The following CAPN6 variants were observed in gnomAD, a reference collection of about 807,000 sequenced individuals.
The protein encoded by CAPN6 is calpain-6.
A neutral mutation model predicts 46.0 loss-of-function variants in CAPN6; 16 were observed. The ratio of observed to expected loss-of-function variants is 0.35; its 90% CI spans 0.24 to 0.53. The LOEUF (loss-of-function observed/expected upper bound fraction) is 0.53, where lower values mean the gene tolerates loss of function less well. Among genes scored for constraint, CAPN6 ranks in the 20% least tolerant of loss-of-function variants. The pLI is 0.94. For synonymous variants in CAPN6, 206 were observed against 172.8 expected (o/e 1.19, Z -1.51); for missense variants, 461 against 498.0 (o/e 0.93, Z 0.71).
intron 2 of CAPN6, among the ~76,000 whole-genome samples, chrX:111,257,603 A>C (rs2094984872): frequency 8.9e-6 from 1 of 112,162 alleles, no homozygotes; most frequent in Non-Finnish European, 1.9e-5. Context: ...ATTTGAAAAC[A>C]ACAAAATGAC....
chrX:111,263,115 T>G (rs763824510), intron 2 of CAPN6, among the ~76,000 whole-genome samples: 17 of 112,471 alleles, frequency 1.5e-4, no homozygotes, highest in Non-Finnish European at 2.8e-4. Context: ...TTACCATATT[T>G]ACTCAAATGA....
chrX:111,261,542 TCAC>T (rs1049751948), intron 2 of CAPN6, among the ~76,000 whole-genome samples: 4 of 112,557 alleles, frequency 3.6e-5, no homozygotes, highest in African/African-American at 1.3e-4. Flanking sequence ...TGATTTTCTC[TCAC>T]TTTAGAAGGG....
At chrX:111,258,733 G>A (rs17884023) in intron 2 of CAPN6, among the ~76,000 whole-genome samples, 1,182 of 111,768 alleles carry the variant, frequency 0.011, 21 homozygotes, top group African/African-American at 0.037. Context: ...TCCAAACTGG[G>A]CCACCAAATC....
chrX:111,249,061 A>C lies in CAPN6; in HGVS notation c.1159-4T>G. The C allele has an allele frequency of 1.7e-6, 2 of 1,210,546 alleles. No individual in the cohort carries two copies. The highest frequency in any genetic ancestry group is 2.2e-5 in the Admixed American group (1 of 46,002). Reference sequence around the variant, plus strand: ...CCTCAGGCACAGTGAAGATGTACTAAGGGAAAGAGACCACCACAGAGGTGA... The same window carrying C: ...CCTCAGGCACAGTGAAGATGTACTACGGGAAAGAGACCACCACAGAGGTGA... On this transcript the variant is annotated splice_region_variant and splice_polypyrimidine_tract_variant and intron_variant, in intron 8 of 12. Coordinates refer to ENST00000324068, the MANE Select transcript of CAPN6 (RefSeq NM_014289.4).
chrX:111,269,724 G>C (rs1207121334), intron 1 of CAPN6, among the ~76,000 whole-genome samples: 1 of 111,776 alleles, frequency 8.9e-6, no homozygotes, highest in Non-Finnish European at 1.9e-5. Context: ...GGAATCAGAG[G>C]GGAACAAAGC....
In CAPN6 at chrX:111,248,982, G is replaced by A. The variant is rs750201143; in HGVS notation, c.1234C>T (p.Arg412Ter). ...ATGTAATTGTCAGGTCTTCCCATTC[G>A]GCGGTAAGTGCGCAGGTCCTTCTGC... ...LQQKDLRTYRRMGRPDNYIIG... is the reference protein window; with the variant it reads ...LQQKDLRTYR The change falls in exon 9 of 13, where the codon CGA (arginine) becomes TGA (stop). Residue 412 changes from arginine (R) to a stop codon, truncating the protein, a stop_gained. Transcript: ENST00000324068. LOFTEE classifies it high-confidence loss of function. 3.3e-6 allele frequency: 4 copies of A among 1,210,915 alleles called. No homozygotes were observed. The highest frequency in any genetic ancestry group is 3.4e-6 in the Non-Finnish European group (3 of 895,107).
Position 111,251,040 on chromosome X carries a change from G to T in CAPN6, c.1035C>A (p.Asn345Lys). The T allele has an allele frequency of 8.3e-7, 1 of 1,211,574 alleles. No individual in the cohort carries two copies. Among genetic ancestry groups the T allele is most frequent in the Non-Finnish European group, 1.1e-6 (1 of 895,449 alleles). The change falls in exon 8 of 13, where the codon AAC becomes AAA. Residue 345 changes from asparagine to lysine, a missense_variant. Physicochemically the swap from Asn to Lys is moderately conservative, Grantham distance 94. Coordinates refer to ENST00000324068, the MANE Select transcript of CAPN6 (RefSeq NM_014289.4). Reference sequence around the variant, plus strand: ...CCAGCTCCTTTCGGCCAAAAATAGGGTTGTTCACATTGCGGCAGACATTCA... The same window carrying T: ...CCAGCTCCTTTCGGCCAAAAATAGGTTTGTTCACATTGCGGCAGACATTCA... ...HKLNVCRNVN[N>K]PIFGRKELES...
intron 3 of CAPN6, among the ~76,000 whole-genome samples, chrX:111,253,987 G>A (rs2094981759): frequency 1.8e-5 from 2 of 111,724 alleles, no homozygotes; most frequent in South Asian, 3.8e-4. Flanking sequence ...GTCAATGCAC[G>A]GCAAATGATA....
At chrX:111,265,399 G>A (rs777979513) in intron 1 of CAPN6, among the ~76,000 whole-genome samples, 4 of 112,344 alleles carry the variant, frequency 3.6e-5, no homozygotes, top group African/African-American at 1.3e-4. Context: ...TTTTTTCATA[G>A]CCTTATTTAT....
chrX:111,265,796 A>T (rs2094991330), intron 1 of CAPN6, among the ~76,000 whole-genome samples: 1 of 111,755 alleles, frequency 8.9e-6, no homozygotes, highest in Non-Finnish European at 1.9e-5. Context: ...TTCTGGATAA[A>T]TGAGTATTTC....
chrX:111,261,161 AACTC>A (rs1317393462), intron 2 of CAPN6, among the ~76,000 whole-genome samples: 1 of 112,558 alleles, frequency 8.9e-6, no homozygotes, highest in Non-Finnish European at 1.9e-5. Context: ...ACAAACAACT[AACTC>A]TATCTATCTC....
intron 2 of CAPN6, among the ~76,000 whole-genome samples, chrX:111,261,145 G>T (rs973551346): frequency 8.9e-6 from 1 of 112,468 alleles, no homozygotes; most frequent in Non-Finnish European, 1.9e-5. Flanking sequence ...GGTGAAAACA[G>T]GGGACACAAA....
intron 2 of CAPN6, among the ~76,000 whole-genome samples, chrX:111,257,344 G>T (rs2094984671): frequency 8.9e-6 from 1 of 111,815 alleles, no homozygotes; most frequent in Admixed American, 9.5e-5. Context: ...CTTAGCTTTT[G>T]GTTCCAGGAT....
In CAPN6 at chrX:111,253,031, A is replaced by G. The variant is rs1014674191; in HGVS notation, c.483T>C (p.Ala161=). The change falls in exon 4 of 13, where the codon GCT becomes GCC. Residue 161 remains alanine, a synonymous_variant. Coordinates refer to ENST00000324068, the MANE Select transcript of CAPN6 (RefSeq NM_014289.4). ...FSTSMNEFWN[A]LLEKAYAKLL... ...ACTTTGCATAAGCTTTTTCCAGCAG[A>G]GCATTCCAAAACTCATTCATGGAAG... is the stretch of plus-strand genomic sequence containing the variant. The G allele has an allele frequency of 3.3e-6, 4 of 1,210,570 alleles. No homozygotes were observed. The highest frequency in any genetic ancestry group is 4.5e-6 in the Non-Finnish European group (4 of 894,277).
In CAPN6 at chrX:111,245,675, A is replaced by G. The variant is rs1266812537; in HGVS notation, c.*902T>C. 3.6e-5 allele frequency: 4 copies of G among 112,199 alleles called. No individual in the cohort carries two copies. The highest frequency in any genetic ancestry group is 9.7e-5 in the African/African-American group (3 of 30,776). The allele number at this position is 112,199 out of a possible 1,213,427, so 9.2% of individuals were successfully genotyped here. ...AACTGGCTGTAATATGTCTGGATGA[A>G]TTCTCTCATCTTTTAGGTGTGTATG... On this transcript the variant is annotated 3_prime_UTR_variant, in exon 13 of 13. Transcript: ENST00000324068.
chrX:111,265,540 G>A (rs2094991125), intron 1 of CAPN6, among the ~76,000 whole-genome samples: 1 of 111,927 alleles, frequency 8.9e-6, no homozygotes. Flanking sequence ...AGCATGGATG[G>A]TATCAGTAAA....
At chrX:111,252,028 C>T (rs1459533238) in intron 5 of CAPN6, among the ~76,000 whole-genome samples, 2 of 112,214 alleles carry the variant, frequency 1.8e-5, no homozygotes, top group Admixed American at 9.4e-5. Flanking sequence ...GCAGCCATAA[C>T]CTCAAGATCT....
intron 2 of CAPN6, among the ~76,000 whole-genome samples, chrX:111,255,525 G>A (rs773195083): frequency 3.5e-5 from 4 of 112,888 alleles, no homozygotes; most frequent in Non-Finnish European, 7.5e-5. Flanking sequence ...GCCATTGGCC[G>A]GTACCTTGAC....
At position 111,248,697 on chromosome X, in the gene CAPN6, G is replaced by A. The variant is rs961625582; in HGVS notation, c.1356C>T (p.Asp452=). 1 of 1,210,709 alleles carries A rather than the reference G, an allele frequency of 8.3e-7. No homozygotes were observed. The highest frequency in any genetic ancestry group is 1.1e-6 in the Non-Finnish European group (1 of 894,953). Reference sequence around the variant, plus strand: ...ACTTGCTCAGAAACACTGTGCGGGTGTCAATATAGGTGGAAGTCCCAGCAC... The same window carrying A: ...ACTTGCTCAGAAACACTGTGCGGGTATCAATATAGGTGGAAGTCCCAGCAC... The part of the protein sequence containing the change: ...QERAGTSTYI[D]TRTVFLSKYL... Residue 452 remains aspartate (D), a synonymous_variant, in exon 10 of 13, where the codon GAC becomes GAT. Coordinates refer to ENST00000324068, the MANE Select transcript of CAPN6 (RefSeq NM_014289.4).
Sources: gnomAD v4.1 joint callset for allele counts (sites outside exome capture counted in the v4.1 genomes callset) on GRCh38, gnomAD v4.1.1 for gene constraint, MANE v1.5 for transcripts, NCBI Gene and HGNC (gene_info 2026-07-23, HGNC 2026-07-21) for gene names.